AMOTL2: variants seen among roughly 807,000 people sequenced by gnomAD.
The protein encoded by AMOTL2 is angiomotin-like protein 2.
AMOTL2 carries 33 observed loss-of-function variants against 78.4 expected under a neutral mutation model. That is an observed-to-expected ratio of 0.42 (90% CI 0.32 to 0.56). The LOEUF (loss-of-function observed/expected upper bound fraction) is 0.56. Ranked by LOEUF, AMOTL2 falls within the 20% of genes least tolerant of loss-of-function variation. The pLI is 0.12. For synonymous variants in AMOTL2, 422 were observed against 428.8 expected (o/e 0.98, Z 0.20); for missense variants, 983 against 1,030.1 (o/e 0.95, Z 0.63).
At chr3:134,374,257 C>T in intron 1 of AMOTL2, 85 bp downstream of exon 1, 1 of 985,462 alleles carries the variant, frequency 1.0e-6, no homozygotes, top group East Asian at 1.1e-4. Flanking sequence ...CGGAAAAGGC[C>T]GGGTTGCGCC....
Position 134,374,432 on chromosome 3 carries a change from G to T in AMOTL2, c.-152C>A. On this transcript the variant is annotated 5_prime_UTR_variant, in exon 1 of 10. Coordinates refer to ENST00000249883, the MANE Select transcript of AMOTL2 (RefSeq NM_016201.4). ...CGGCGGCGAAGATGTGTTCTCGGCC[G>T]TGGCGCCGACGCTCTGGCTGTTCGC... 2 of 985,468 alleles carry T rather than the reference G, an allele frequency of 2.0e-6. No homozygotes were observed. The highest frequency in any genetic ancestry group is 1.2e-6 in the Non-Finnish European group (1 of 829,978). 61.0% of individuals were successfully genotyped at this position (985,468 alleles called of 1,614,324 possible).
At chr3:134,370,478 A>T (rs1228304484) in intron 2 of AMOTL2, among the ~76,000 whole-genome samples, 2 of 152,214 alleles carry the variant, frequency 1.3e-5, no homozygotes, top group Non-Finnish European at 2.9e-5. Flanking sequence ...TAAGCAGACA[A>T]TGGTGCCTAT....
Position 134,371,063 on chromosome 3 carries a change from G to C in AMOTL2, c.371C>G (p.Thr124Ser). 2 of 1,610,430 alleles carry C rather than the reference G, an allele frequency of 1.2e-6. No homozygotes were observed. Among genetic ancestry groups the C allele is most frequent in the Non-Finnish European group, 1.7e-6 (2 of 1,178,478 alleles). ...SQYYAAQQAG[T>S]RPHAGDRDPR... ...ATCTCGGTCCCCCGCATGTGGCCGG[G>C]TCCCTGCCTGCTGGGCCGCATAGTA... Residue 124 changes from threonine to serine, a missense_variant, in exon 2 of 10, where the codon ACC becomes AGC. By Grantham distance (58) the Thr-to-Ser change is moderately conservative. Transcript: ENST00000249883.
chr3:134,370,074 G>A (rs754972702), intron 2 of AMOTL2, among the ~76,000 whole-genome samples: 24 of 152,318 alleles, frequency 1.6e-4, no homozygotes, highest in Non-Finnish European at 2.5e-4. Context: ...TGGCCCAGCA[G>A]CCTCTCCTGA....
At chr3:134,375,139 A>C (rs1482539759), upstream of AMOTL2, 1 of 1,531,426 alleles carries the variant, frequency 6.5e-7, no homozygotes, top group East Asian at 2.5e-5. Context: ...CCGTCTCGAC[A>C]GGAAGTGTGA....
chr3:134,361,283 A>G (rs2017348649), intron 6 of AMOTL2, among the ~76,000 whole-genome samples: 1 of 152,192 alleles, frequency 6.6e-6, no homozygotes, highest in Admixed American at 6.5e-5. Context: ...CCGAGGCTGG[A>G]CATGGGCCAG....
chr3:134,374,471 GC>G, upstream of AMOTL2: 1 of 985,592 alleles, frequency 1.0e-6, no homozygotes. Flanking sequence ...CCAGCGCGCA[GC>G]CCCAGGGTCG....
chr3:134,358,423 A>C, intron 9 of AMOTL2, 117 bp downstream of exon 9: 1 of 1,266,906 alleles, frequency 7.9e-7, no homozygotes, highest in Non-Finnish European at 1.1e-6. Flanking sequence ...ACGGCTCCCC[A>C]TGGAGTGCGG....
Position 134,367,853 on chromosome 3 carries a change from TC to T in AMOTL2, c.735-51del. ...CAGAGACAGCACAGACCCTCATGGC[TC>T]CCACCAGAGCAGCCCGGGGTCACCC... On this transcript the variant is annotated intron_variant, in intron 2 of 9. Transcript: ENST00000249883. 5 of 1,594,018 alleles carry T rather than the reference TC, an allele frequency of 3.1e-6. No homozygotes were observed. In the South Asian group the frequency reaches 5.7e-5, roughly 18 times the overall value.
In AMOTL2 at chr3:134,357,706, C is replaced by T. The variant is rs2017134637; in HGVS notation, c.2342G>A (p.Ter781=). 1 of 1,614,060 alleles carries T rather than the reference C, an allele frequency of 6.2e-7. No homozygotes were observed. Among genetic ancestry groups the T allele is most frequent in the Non-Finnish European group, 8.5e-7 (1 of 1,180,034 alleles). ...CAGAGTCCTGAAGCACCACCTCCTT[C>T]AGATCAGTATCTCCACCATGTCTGA... ...DLSDMVEILI[*] Residue 781 remains the stop codon, a stop_retained_variant, in exon 10 of 10, where the codon TGA becomes TAA. Coordinates refer to ENST00000249883, the MANE Select transcript of AMOTL2 (RefSeq NM_016201.4).
Position 134,371,506 on chromosome 3 carries a change from T to G in AMOTL2, c.-61-12A>C, listed in dbSNP as rs773735428. On this transcript the variant is annotated splice_polypyrimidine_tract_variant and intron_variant, in intron 1 of 9. Transcript: ENST00000249883. ...TGGCCCCAGAGCACCTGGAGTGGGG[T>G]GGGGAGAGAGAGAGAGAAAAGCAAT... 2.5e-5 allele frequency: 40 copies of G among 1,579,586 alleles called. No homozygotes were observed. Among genetic ancestry groups the G allele is most frequent in the Non-Finnish European group, 3.4e-5 (40 of 1,166,666 alleles).
upstream of AMOTL2, chr3:134,374,580 CT>C (rs1424379797): frequency 3.3e-5 from 33 of 985,772 alleles, no homozygotes; most frequent in East Asian, 3.2e-3. Context: ...GCGCACCGCC[CT>C]CCTCCGCCCT....
chr3:134,369,619 C>T (rs985439906), intron 2 of AMOTL2, among the ~76,000 whole-genome samples: 4 of 152,206 alleles, frequency 2.6e-5, no homozygotes, highest in Non-Finnish European at 4.4e-5. Flanking sequence ...TTCCGCCATA[C>T]CAACCCCATC....
At chr3:134,358,851 C>A in intron 8 of AMOTL2, 132 bp from the exon 9 acceptor site, 2 of 1,031,878 alleles carry the variant, frequency 1.9e-6, no homozygotes, top group Middle Eastern at 2.2e-4. Context: ...AACTTTAAGA[C>A]TAAAAATGCT....
Position 134,370,960 on chromosome 3 carries a change from C to T in AMOTL2, c.474G>A (p.Leu158=), listed in dbSNP as rs775079607. The T allele has an allele frequency of 4.3e-6, 7 of 1,609,608 alleles. No homozygotes were observed. Among genetic ancestry groups the T allele is most frequent in the Non-Finnish European group, 5.1e-6 (6 of 1,178,052 alleles). ...RELRHGHVRS[L]SERLLQLSLE... ...GGGACAACTGAAGGAGCCGTTCACT[C>T]AACGAGCGCACGTGCCCATGCCTCA... Residue 158 remains leucine, a synonymous_variant, in exon 2 of 10, where the codon TTG becomes TTA. Coordinates refer to ENST00000249883, the MANE Select transcript of AMOTL2 (RefSeq NM_016201.4).
chr3:134,370,691 G>A lies in AMOTL2; in HGVS notation c.734+9C>T, dbSNP rs202160246. ...CAGGAGTTGGAAAGCCCAAGGTGGG[G>A]AGAGTTACCTGACTTCAGCATGCTG... On this transcript the variant is annotated intron_variant, in intron 2 of 9. Coordinates refer to ENST00000249883, the MANE Select transcript of AMOTL2 (RefSeq NM_016201.4). The A allele has an allele frequency of 4.8e-5, 73 of 1,508,248 alleles. No homozygotes were observed. Among genetic ancestry groups the A allele is most frequent in the Admixed American group, 4.8e-4 (21 of 43,822 alleles). The allele number at this position is 1,508,248 out of a possible 1,614,324, so 93.4% of individuals were successfully genotyped here. A position where few individuals can be genotyped will look rare whatever the true frequency, so the allele number is the denominator to read the frequency against.
chr3:134,372,552 C>CACACACACAT (rs2017914709), intron 1 of AMOTL2, among the ~76,000 whole-genome samples: 1 of 151,678 alleles, frequency 6.6e-6, no homozygotes, highest in Non-Finnish European at 1.5e-5. Context: ...CACACACACA[C>CACACACACAT]ACACAAACAC....
intron 2 of AMOTL2, among the ~76,000 whole-genome samples, chr3:134,368,446 C>G (rs2017705906): frequency 6.6e-6 from 1 of 152,002 alleles, no homozygotes; most frequent in South Asian, 2.1e-4. Flanking sequence ...AGACAAATGT[C>G]AGGGTAAGAG....
chr3:134,369,121 T>C (rs1211319095), intron 2 of AMOTL2, among the ~76,000 whole-genome samples: 1 of 152,126 alleles, frequency 6.6e-6, no homozygotes, highest in East Asian at 1.9e-4. Flanking sequence ...TAACAAATAA[T>C]CTTCACTGGA....
Sources: allele counts gnomAD v4.1 joint callset (sites outside exome capture counted in the v4.1 genomes callset), GRCh38; gene constraint gnomAD v4.1.1; transcripts MANE v1.5; gene names NCBI Gene and HGNC (gene_info 2026-07-23, HGNC 2026-07-21).